Variants in CARD14 observed in about 807,000 individuals in gnomAD.
The protein encoded by CARD14 is caspase recruitment domain-containing protein 14.
CARD14 carries 107 observed loss-of-function variants against 111.5 expected under a neutral mutation model. That is an observed-to-expected ratio of 0.96 (90% CI 0.82 to 1.13). CARD14 has a LOEUF of 1.13. CARD14 is among the 50% of genes most tolerant of loss of function. CARD14 has a pLI of 0.00. For synonymous variants in CARD14, 617 were observed against 579.6 expected, an observed-to-expected ratio of 1.06 and a Z score of -0.93; for missense variants, 1,322 against 1,362.3, an observed-to-expected ratio of 0.97 and a Z score of 0.47.
At chr17:80,172,289 C>T (rs1457190990) in intron 1 of CARD14, among the ~76,000 whole-genome samples, 1 of 152,218 alleles carries the variant, frequency 6.6e-6, no homozygotes, top group African/African-American at 2.4e-5. Context: ...GGCCGAATGC[C>T]TATTGAAGTA....
chr17:80,202,385 T>TA lies in CARD14; in HGVS notation c.2185dup (p.Thr729AsnfsTer61). The TA allele has an allele frequency of 6.2e-7, 1 of 1,613,100 alleles. No homozygotes were observed. The highest frequency in any genetic ancestry group is 8.5e-7 in the Non-Finnish European group (1 of 1,179,980). ...GCGTGAACTCTTACACCATGAAGGA[T>TA]ACTGCCGCGCACGGCACCATCCCCA... On this transcript the variant is annotated frameshift_variant, in exon 18 of 24. Transcript: ENST00000648509. LOFTEE classifies it high-confidence loss of function.
intron 19 of CARD14, 136 bp from the exon 20 acceptor site, chr17:80,204,091 C>T (rs972319317): frequency 9.9e-6 from 9 of 912,436 alleles, no homozygotes; most frequent in Non-Finnish European, 1.3e-5. Flanking sequence ...TGCAGACACA[C>T]CTCAGGCTGT....
chr17:80,204,102 T>C, intron 19 of CARD14, 125 bp from the exon 20 acceptor site: 1 of 971,958 alleles, frequency 1.0e-6, no homozygotes, highest in South Asian at 1.7e-5. Context: ...CTCAGGCTGT[T>C]CTCAGAGCAT....
chr17:80,209,236 C>T lies in CARD14; in HGVS notation c.*891C>T, dbSNP rs894161847. The T allele has an allele frequency of 4.7e-6, 4 of 859,336 alleles. No homozygotes were observed. In the African/African-American group the frequency reaches 7.3e-5, roughly 16 times the overall value. 53.2% of individuals were successfully genotyped at this position (859,336 alleles called of 1,614,324 possible). A position where few individuals can be genotyped will look rare whatever the true frequency, so the allele number is the denominator to read the frequency against. ...CATTTTGACAGCAGTGTCCAAGAAT[C>T]AGGAAGCTGTTCTAGAATTCAGGTT... On this transcript the variant is annotated 3_prime_UTR_variant, in exon 24 of 24. Transcript: ENST00000648509.
Position 80,190,887 on chromosome 17 carries a change from G to A in CARD14, c.1077G>A (p.Lys359=), listed in dbSNP as rs147977852. 6.0e-5 allele frequency: 97 copies of A among 1,612,564 alleles called. No homozygotes were observed. The highest frequency in any genetic ancestry group is 7.9e-5 in the Non-Finnish European group (93 of 1,179,594). The part of the protein sequence containing the change: ...ALQAQVCELQ[K]ERDQAYSARD... ...AGGCCCAGGTGTGCGAGCTGCAGAA[G>A]GAGCGAGACCAGGTACCTGAGAGGC... The change falls in exon 10 of 24, where the codon AAG becomes AAA. Residue 359 remains lysine, a synonymous_variant. Transcript: ENST00000648509.
chr17:80,184,082 G>A lies in CARD14; in HGVS notation c.519G>A (p.Leu173=). 1 of 1,585,186 alleles carries A rather than the reference G, an allele frequency of 6.3e-7. No individual in the cohort carries two copies. Among genetic ancestry groups the A allele is most frequent in the African/African-American group, 1.3e-5 (1 of 74,616 alleles). ...AETRAEGLHQ[L]EADHSRMKRE... ...CCCGTGCCGAGGGCCTGCACCAGCT[G>A]GAGGCTGACCACAGCCGCATGAAGC... The change falls in exon 7 of 24, where the codon CTG becomes CTA. Residue 173 remains leucine (L), a synonymous_variant. Coordinates refer to ENST00000648509, the MANE Select transcript of CARD14 (RefSeq NM_001366385.1).
At position 80,198,186 on chromosome 17, in the gene CARD14, C is replaced by T. The variant is rs373961962; in HGVS notation, c.1658+24C>T. On this transcript the variant is annotated intron_variant, in intron 15 of 23. Transcript: ENST00000648509. This position sits in a 1 kb window ranked among gnomAD's most constrained non-coding sequence, Gnocchi z 7.5. The stretch of plus-strand genomic sequence containing the variant: ...AGGTAAGCAGCAGGTGGGAATCCTC[C>T]GAGGCTGGCTGGGGAACCAGGGCCA... 2.1e-4 allele frequency: 346 copies of T among 1,612,804 alleles called. No individual in the cohort carries two copies. The highest frequency in any genetic ancestry group is 8.5e-4 in the African/African-American group (64 of 75,032).
intron 16 of CARD14, among the ~76,000 whole-genome samples, chr17:80,199,729 A>G (rs1324628179): frequency 6.6e-6 from 1 of 150,932 alleles, no homozygotes; most frequent in East Asian, 1.9e-4. Context: ...AAATACAAAA[A>G]AAAAAAAAAA....
At chr17:80,185,899 T>TC (rs1303246481) in intron 7 of CARD14, among the ~76,000 whole-genome samples, 1 of 152,252 alleles carries the variant, frequency 6.6e-6, no homozygotes, top group Admixed American at 6.5e-5. Context: ...CTGGCCTGAC[T>TC]CAGGGCATCT....
chr17:80,195,117 C>A lies in CARD14; in HGVS notation c.1357-74C>A. On this transcript the variant is annotated intron_variant, in intron 12 of 23. Transcript: ENST00000648509. The surrounding 1 kb of genome is among the most constrained non-coding windows in gnomAD (Gnocchi z 4.7). The stretch of plus-strand genomic sequence containing the variant: ...AGTTCTCACTGTGGCTCTCTCTACA[C>A]CGTGGGGGAGCAAGGGAGGAGTCTC... 1 of 1,520,408 alleles carries A rather than the reference C, an allele frequency of 6.6e-7. No homozygotes were observed. The allele number at this position is 1,520,408 out of a possible 1,614,324, so 94.2% of individuals were successfully genotyped here.
chr17:80,191,631 T>C lies in CARD14; in HGVS notation c.1239+159T>C, dbSNP rs545266337. 9.8e-5 allele frequency among the ~76,000 whole-genome samples: 15 copies of C among 152,324 alleles called. No individual in the cohort carries two copies. In the South Asian group the frequency reaches 2.7e-3, roughly 27 times the overall value. On this transcript the variant is annotated intron_variant, in intron 11 of 23. Transcript: ENST00000648509. ...ACCTGCAGAGACGGCCCAGTGTCAC[T>C]GTGATGAGCGACACACTGGCTCCCA...
chr17:80,201,652 G>C lies in CARD14; in HGVS notation c.1852-92G>C. The C allele has an allele frequency of 1.0e-5, 14 of 1,391,472 alleles. No individual in the cohort carries two copies. The highest frequency in any genetic ancestry group is 1.4e-5 in the Non-Finnish European group (14 of 983,840). The allele number at this position is 1,391,472 out of a possible 1,614,324, so 86.2% of individuals were successfully genotyped here. A position where few individuals can be genotyped will look rare whatever the true frequency, so the allele number is the denominator to read the frequency against. On this transcript the variant is annotated intron_variant, in intron 16 of 23. Coordinates refer to ENST00000648509, the MANE Select transcript of CARD14 (RefSeq NM_001366385.1). This position sits in a 1 kb window ranked among gnomAD's most constrained non-coding sequence, Gnocchi z 5.0. ...AGTGGTCCTACGGCAGGGCTGGCCCGCGCCTCGCCTCAGTGCCCTCAGCGC... is the reference window on the plus strand; with the variant it reads ...AGTGGTCCTACGGCAGGGCTGGCCCCCGCCTCGCCTCAGTGCCCTCAGCGC...
chr17:80,204,647 AGAG>A lies in CARD14; in HGVS notation c.2398+310_2398+312del, dbSNP rs201890813. ...CTCAGGAAAAAAAAAAAATTTCAGG[AGAG>A]GAGTACAGGACAGAGGGAGGGCTAG... On this transcript the variant is annotated intron_variant, in intron 20 of 23. Coordinates refer to ENST00000648509, the MANE Select transcript of CARD14 (RefSeq NM_001366385.1). 1.0e-2 allele frequency: 3,710 copies of A among 372,314 alleles called. 38 individuals carry two copies. Among genetic ancestry groups the A allele is most frequent in the South Asian group, 0.034 (630 of 18,602 alleles). 23.1% of individuals were successfully genotyped at this position (372,314 alleles called of 1,614,324 possible). A position where few individuals can be genotyped will look rare whatever the true frequency, so the allele number is the denominator to read the frequency against.
At chr17:80,176,075 C>T (rs2040019948) in intron 2 of CARD14, among the ~76,000 whole-genome samples, 1 of 144,402 alleles carries the variant, frequency 6.9e-6, no homozygotes, top group African/African-American at 2.5e-5. Flanking sequence ...TTCCAAATTA[C>T]AGGCATGAGC....
chr17:80,177,946 C>T (rs1230442305), intron 2 of CARD14, among the ~76,000 whole-genome samples: 1 of 152,186 alleles, frequency 6.6e-6, no homozygotes, highest in Non-Finnish European at 1.5e-5. Context: ...TGAGGTCCTA[C>T]TTACAGGTAC....
intron 6 of CARD14, among the ~76,000 whole-genome samples, chr17:80,183,473 T>G (rs997628899): frequency 6.6e-5 from 10 of 152,144 alleles, no homozygotes. Context: ...TAGCACTGAG[T>G]GCATTTCAGC....
chr17:80,176,546 G>A (rs1247774533), intron 2 of CARD14, among the ~76,000 whole-genome samples: 1 of 151,588 alleles, frequency 6.6e-6, no homozygotes, highest in Non-Finnish European at 1.5e-5. Flanking sequence ...CGCCGCCACA[G>A]TTAACTTTAG....
At position 80,198,216 on chromosome 17, in the gene CARD14, G is replaced by C. The variant is rs571933900; in HGVS notation, c.1658+54G>C. On this transcript the variant is annotated intron_variant, in intron 15 of 23. Coordinates refer to ENST00000648509, the MANE Select transcript of CARD14 (RefSeq NM_001366385.1). The surrounding 1 kb of genome is among the most constrained non-coding windows in gnomAD (Gnocchi z 7.5). Reference sequence around the variant, plus strand: ...CTGGCTGGGGAACCAGGGCCAGGGAGTGGCAGAGCAGAGGGTGAGTGTCCT... The same window carrying C: ...CTGGCTGGGGAACCAGGGCCAGGGACTGGCAGAGCAGAGGGTGAGTGTCCT... The C allele has an allele frequency of 3.7e-6, 6 of 1,600,616 alleles. No homozygotes were observed. The highest frequency in any genetic ancestry group is 5.1e-6 in the Non-Finnish European group (6 of 1,168,614).
At chr17:80,186,451 G>C (rs1389913235) in intron 7 of CARD14, among the ~76,000 whole-genome samples, 2 of 152,150 alleles carry the variant, frequency 1.3e-5, no homozygotes, top group Non-Finnish European at 2.9e-5. Context: ...CTGCTTTTCT[G>C]GCCTCACAAG....
Sources: allele counts gnomAD v4.1 joint callset (sites outside exome capture counted in the v4.1 genomes callset), GRCh38; gene constraint gnomAD v4.1.1; non-coding constraint Gnocchi (gnomAD v3.1); transcripts MANE v1.5; gene names NCBI Gene and HGNC (gene_info 2026-07-23, HGNC 2026-07-21).